The following ZNF536 variants were observed in gnomAD, a reference collection of about 807,000 sequenced individuals.
The protein encoded by ZNF536 is zinc finger protein 536.
In ZNF536, 13 loss-of-function variants were observed where a neutral mutation model predicts 84.5. The observed-to-expected ratio is 0.15, with a 90% CI of 0.10 to 0.24. ZNF536 has a LOEUF of 0.24. Ranked by LOEUF, ZNF536 falls within the 10% of genes least tolerant of loss-of-function variation. The pLI is 1.00. For missense variants in ZNF536, 1,536 were observed against 1,747.5 expected, an observed-to-expected ratio of 0.88 and a Z score of 2.16; for synonymous variants, 811 against 742.5, an observed-to-expected ratio of 1.09 and a Z score of -1.50.
chr19:30,269,457 A>G (rs142997945), intron 1 of ZNF536, among the ~76,000 whole-genome samples: 209 of 152,316 alleles, frequency 1.4e-3, no homozygotes, highest in Middle Eastern at 6.8e-3. Context: ...TGGAGAGATC[A>G]GGAGGAATGA....
At chr19:30,386,048 A>G (rs188544026) in intron 1 of ZNF536, among the ~76,000 whole-genome samples, 76 of 152,316 alleles carry the variant, frequency 5.0e-4, no homozygotes, top group African/African-American at 1.7e-3. Flanking sequence ...TTCTGATGTC[A>G]GCTGGTGTTG....
rs761945994 is a variant in ZNF536 at position 30,548,598 on chromosome 19, T to C, written c.2979T>C (p.Thr993=). The C allele has an allele frequency of 6.2e-7, 1 of 1,614,170 alleles. No homozygotes were observed. Among genetic ancestry groups the C allele is most frequent in the South Asian group, 1.1e-5 (1 of 91,084 alleles). ...DAASLPGSSV[T]VQDSIAWHGC... Reference sequence around the variant, plus strand: ...CCTCCCTCCCGGGCTCCTCGGTAACTGTGCAGGACAGCATTGCATGGCACG... The same window carrying C: ...CCTCCCTCCCGGGCTCCTCGGTAACCGTGCAGGACAGCATTGCATGGCACG... The change falls in exon 4 of 5, where the codon ACT becomes ACC. Residue 993 remains threonine, a synonymous_variant. Coordinates refer to ENST00000355537, the MANE Select transcript of ZNF536 (RefSeq NM_014717.3).
intron 2 of ZNF536, among the ~76,000 whole-genome samples, chr19:30,446,583 C>CG (rs1163124545): frequency 6.6e-6 from 1 of 152,120 alleles, no homozygotes; most frequent in Non-Finnish European, 1.5e-5. Flanking sequence ...AAAATTACAA[C>CG]GTGGCTCACC....
chr19:30,370,930 G>T (rs1600428324), upstream of ZNF536, among the ~76,000 whole-genome samples: 1 of 152,304 alleles, frequency 6.6e-6, no homozygotes, highest in African/African-American at 2.4e-5. Flanking sequence ...GTATGTTTCT[G>T]TAGTTATTGT....
chr19:30,432,006 T>TACACAC lies in ZNF536; in HGVS notation c.-2-11549_-2-11544dup, dbSNP rs1555757391. 1.1e-4 allele frequency among the ~76,000 whole-genome samples: 16 copies of TACACAC among 146,014 alleles called. No homozygotes were observed. In the East Asian group the frequency reaches 1.2e-3, roughly 11 times the overall value. Reference sequence around the variant, plus strand: ...TTCATTAAAAGCATATATATATATATACACACACACATACACACACACACA... The same window carrying TACACAC: ...TTCATTAAAAGCATATATATATATATACACACACACACACACATACACACACACACA... On this transcript the variant is annotated intron_variant, in intron 1 of 4. Transcript: ENST00000355537.
intron 1 of ZNF536, among the ~76,000 whole-genome samples, chr19:30,621,449 TCA>T (rs1444581017): frequency 6.6e-6 from 1 of 152,082 alleles, no homozygotes; most frequent in African/African-American, 2.4e-5. Flanking sequence ...GTGGGGGGAC[TCA>T]GAGGCTGAAA....
intron 1 of ZNF536, among the ~76,000 whole-genome samples, chr19:30,676,153 G>T (rs192026504): frequency 2.6e-5 from 4 of 152,220 alleles, no homozygotes; most frequent in African/African-American, 9.6e-5. Context: ...CATGTGCTGG[G>T]CCAGAAATGC....
intron 1 of ZNF536, among the ~76,000 whole-genome samples, chr19:30,611,527 C>A (rs144417549): frequency 2.1e-3 from 325 of 152,326 alleles, no homozygotes; most frequent in African/African-American, 7.5e-3. Context: ...TCCTTAATTA[C>A]TTCCATACTT....
At chr19:30,425,959 T>C (rs1328739903) in intron 1 of ZNF536, among the ~76,000 whole-genome samples, 2 of 152,100 alleles carry the variant, frequency 1.3e-5, no homozygotes, top group African/African-American at 2.4e-5. Context: ...GTGCAGGAAG[T>C]CCCAGACCCT....
intron 2 of ZNF536, among the ~76,000 whole-genome samples, chr19:30,473,330 A>C (rs935484308): frequency 3.9e-5 from 6 of 152,112 alleles, no homozygotes; most frequent in African/African-American, 1.4e-4. Context: ...GAAATTAGAT[A>C]TCCTTTGGTG....
chr19:30,623,048 G>GTT (rs1016447240), intron 1 of ZNF536, among the ~76,000 whole-genome samples: 7 of 138,550 alleles, frequency 5.1e-5, no homozygotes, highest in African/African-American at 1.9e-4. Context: ...TTGTTTTTTT[G>GTT]TTTTTTTGAG....
intron 1 of ZNF536, among the ~76,000 whole-genome samples, chr19:30,380,688 G>A (rs910874299): frequency 6.6e-6 from 1 of 152,138 alleles, no homozygotes; most frequent in African/African-American, 2.4e-5. Flanking sequence ...GTGAGAGGGA[G>A]GAAGCTGTGT....
intron 3 of ZNF536, among the ~76,000 whole-genome samples, chr19:30,357,702 A>G (rs1600370824): frequency 6.6e-6 from 1 of 152,146 alleles, no homozygotes; most frequent in East Asian, 1.9e-4. Flanking sequence ...GTAGCTCCTC[A>G]GGCCCTGGCA....
chr19:30,431,675 A>G (rs2051465593), intron 1 of ZNF536, among the ~76,000 whole-genome samples: 1 of 152,182 alleles, frequency 6.6e-6, no homozygotes, highest in Non-Finnish European at 1.5e-5. Flanking sequence ...CTCAAATGTA[A>G]ACGGCTTTAA....
At chr19:30,262,635 G>T (rs568655812) in intron 1 of ZNF536, among the ~76,000 whole-genome samples, 1 of 152,282 alleles carries the variant, frequency 6.6e-6, no homozygotes, top group Non-Finnish European at 1.5e-5. Flanking sequence ...GGTGTTCGTG[G>T]AATGCTATGG....
At chr19:30,563,306 G>A (rs1179766630) in intron 1 of ZNF536, among the ~76,000 whole-genome samples, 1 of 152,146 alleles carries the variant, frequency 6.6e-6, no homozygotes, top group Non-Finnish European at 1.5e-5. Flanking sequence ...AGGTCTGTTG[G>A]GGAACCTATA....
At chr19:30,466,441 G>A (rs949545089) in intron 2 of ZNF536, among the ~76,000 whole-genome samples, 9 of 151,004 alleles carry the variant, frequency 6.0e-5, no homozygotes, top group African/African-American at 1.9e-4. Flanking sequence ...GTGCATGCCT[G>A]TAGTTGTAGC....
chr19:30,308,592 T>C (rs2046408955), intron 2 of ZNF536, among the ~76,000 whole-genome samples: 1 of 152,096 alleles, frequency 6.6e-6, no homozygotes, highest in African/African-American at 2.4e-5. Context: ...AGTCCTCATG[T>C]GTTCCATAAA....
intron 2 of ZNF536, among the ~76,000 whole-genome samples, chr19:30,311,616 T>TTC (rs146108019): frequency 8.0e-5 from 12 of 150,182 alleles, no homozygotes; most frequent in African/African-American, 1.7e-4. Flanking sequence ...TTACATCAAC[T>TTC]TCTCTCTCTC....
Sources: gnomAD v4.1 joint callset for allele counts (sites outside exome capture counted in the v4.1 genomes callset) on GRCh38, gnomAD v4.1.1 for gene constraint, MANE v1.5 for transcripts, NCBI Gene and HGNC (gene_info 2026-07-23, HGNC 2026-07-21) for gene names.